TMTC2: variants seen among roughly 807,000 people sequenced by gnomAD.
The protein encoded by TMTC2 is transmembrane O-mannosyltransferase targeting cadherins 2.
A neutral mutation model predicts 82.4 loss-of-function variants in TMTC2; 43 were observed. That is an observed-to-expected ratio of 0.52 (90% CI 0.41 to 0.67). TMTC2 has a LOEUF of 0.67. TMTC2 is among the 30% of genes least tolerant of loss of function. The pLI is 0.00. For synonymous variants in TMTC2, 408 were observed against 381.9 expected (o/e 1.07, Z -0.80); for missense variants, 919 against 1,012.4 (o/e 0.91, Z 1.25).
chr12:82,921,240 G>A (rs1293322065), intron 3 of TMTC2, among the ~76,000 whole-genome samples: 3 of 152,090 alleles, frequency 2.0e-5, no homozygotes, highest in African/African-American at 4.8e-5. Flanking sequence ...TATTGAGAGG[G>A]TGAAATAGCC....
At chr12:82,946,896 C>A (rs1213163868) in intron 4 of TMTC2, among the ~76,000 whole-genome samples, 2 of 151,964 alleles carry the variant, frequency 1.3e-5, no homozygotes, top group Non-Finnish European at 1.5e-5. Flanking sequence ...CGCCCGCCAC[C>A]ACCCCGGGCT....
intron 1 of TMTC2, among the ~76,000 whole-genome samples, chr12:82,770,353 T>G (rs2136994137): frequency 6.6e-6 from 1 of 152,312 alleles, no homozygotes; most frequent in Non-Finnish European, 1.5e-5. Context: ...GGGTTTCAGA[T>G]TTTCAAATAT....
At chr12:82,938,599 G>A (rs1403993500) in intron 4 of TMTC2, among the ~76,000 whole-genome samples, 1 of 152,120 alleles carries the variant, frequency 6.6e-6, no homozygotes, top group Non-Finnish European at 1.5e-5. Context: ...TTGTTATAAT[G>A]CTGTTGGCTT....
At chr12:82,722,398 C>A (rs12821302) in intron 1 of TMTC2, among the ~76,000 whole-genome samples, 859 of 102,290 alleles carry the variant, frequency 8.4e-3, no homozygotes, top group African/African-American at 0.016. Flanking sequence ...ACTAAAAATA[C>A]AAAAAAAAAA....
At chr12:82,744,519 G>A (rs57378563) in intron 1 of TMTC2, among the ~76,000 whole-genome samples, 5,256 of 149,932 alleles carry the variant, frequency 0.035, 305 homozygotes, top group African/African-American at 0.12. Flanking sequence ...CACAAGTTCA[G>A]GGCTGCAGTG....
chr12:83,086,374 T>C (rs911800362), intron 11 of TMTC2, among the ~76,000 whole-genome samples: 2 of 152,204 alleles, frequency 1.3e-5, no homozygotes, highest in African/African-American at 2.4e-5. Context: ...AGGATCCTTT[T>C]TGTAAAGCTC....
intron 1 of TMTC2, among the ~76,000 whole-genome samples, chr12:82,740,523 GATGTT>G (rs1875345012): frequency 6.6e-6 from 1 of 152,160 alleles, no homozygotes; most frequent in African/African-American, 2.4e-5. Context: ...GATTTAAACT[GATGTT>G]ATGTACTCTG....
intron 8 of TMTC2, among the ~76,000 whole-genome samples, chr12:83,011,663 C>T (rs1385858331): frequency 6.6e-6 from 1 of 152,100 alleles, no homozygotes; most frequent in Non-Finnish European, 1.5e-5. Flanking sequence ...CTTGGTGCTG[C>T]CTTGGTCTAT....
At chr12:83,098,980 C>CT (rs1223011154) in intron 11 of TMTC2, among the ~76,000 whole-genome samples, 2 of 152,126 alleles carry the variant, frequency 1.3e-5, no homozygotes, top group Non-Finnish European at 2.9e-5. Context: ...TGAGGAGACT[C>CT]TTTTTAAGAT....
chr12:82,722,398 CAA>C (rs67785786), intron 1 of TMTC2, among the ~76,000 whole-genome samples: 1 of 102,556 alleles, frequency 9.8e-6, no homozygotes, highest in Non-Finnish European at 1.8e-5. Flanking sequence ...ACTAAAAATA[CAA>C]AAAAAAAAAA....
Position 83,064,054 on chromosome 12 carries a change from A to G in TMTC2, c.2331+2223A>G, listed in dbSNP as rs1397241663. Among the ~76,000 whole-genome samples, 7 of 151,882 alleles carry G rather than the reference A, an allele frequency of 4.6e-5. No individual in the cohort carries two copies. The East Asian group carries it at 1.4e-3, about 29-fold the overall frequency. On this transcript the variant is annotated intron_variant, in intron 11 of 11. Coordinates refer to ENST00000321196, the MANE Select transcript of TMTC2 (RefSeq NM_152588.3). ...TTTTTTTTTTATTGCCTTCACATTA[A>G]TAGAATGCTGTGAATATACATAATT...
At chr12:83,000,383 C>T (rs1194652630) in intron 8 of TMTC2, among the ~76,000 whole-genome samples, 1 of 152,188 alleles carries the variant, frequency 6.6e-6, no homozygotes, top group East Asian at 1.9e-4. Flanking sequence ...ATCCGCCCTC[C>T]TCAGCCTCCC....
At chr12:83,013,816 C>T (rs776133895) in intron 8 of TMTC2, among the ~76,000 whole-genome samples, 23 of 152,204 alleles carry the variant, frequency 1.5e-4, no homozygotes, top group Admixed American at 2.6e-4. Flanking sequence ...CTGAGTATTT[C>T]AACCTGAGCT....
At chr12:82,886,970 A>G (rs910622031) in intron 2 of TMTC2, among the ~76,000 whole-genome samples, 1 of 152,198 alleles carries the variant, frequency 6.6e-6, no homozygotes, top group African/African-American at 2.4e-5. Flanking sequence ...ACATAAGAAA[A>G]GTGATGGATG....
chr12:82,819,217 T>C (rs1868932766), intron 1 of TMTC2, among the ~76,000 whole-genome samples: 1 of 152,056 alleles, frequency 6.6e-6, no homozygotes, highest in Non-Finnish European at 1.5e-5. Context: ...AGGACACAAT[T>C]TCTGTCATTC....
intron 8 of TMTC2, among the ~76,000 whole-genome samples, chr12:83,019,158 TAAAAA>T (rs11293297): frequency 6.6e-6 from 1 of 151,636 alleles, no homozygotes; most frequent in African/African-American, 2.4e-5. Flanking sequence ...TAAACTAAAC[TAAAAA>T]AAAAAAACAT....
intron 1 of TMTC2, among the ~76,000 whole-genome samples, chr12:82,718,467 C>G (rs1874000866): frequency 1.3e-5 from 2 of 152,122 alleles, no homozygotes; most frequent in Non-Finnish European, 2.9e-5. Flanking sequence ...TGCAGAAGCC[C>G]AGAACATAAA....
chr12:82,825,601 T>C (rs1195179587), intron 1 of TMTC2, among the ~76,000 whole-genome samples: 1 of 152,184 alleles, frequency 6.6e-6, no homozygotes, highest in African/African-American at 2.4e-5. Context: ...ATTTCCACAA[T>C]GTGGTAGGGT....
chr12:83,103,082 G>C (rs1884278044), intron 11 of TMTC2, among the ~76,000 whole-genome samples: 1 of 152,176 alleles, frequency 6.6e-6, no homozygotes, highest in African/African-American at 2.4e-5. Context: ...CAGCATTAGA[G>C]AAGGAAAAGA....
Sources: allele counts gnomAD v4.1 joint callset (sites outside exome capture counted in the v4.1 genomes callset), GRCh38; gene constraint gnomAD v4.1.1; transcripts MANE v1.5; gene names NCBI Gene and HGNC (gene_info 2026-07-23, HGNC 2026-07-21).